Variants in PACRG observed in about 807,000 individuals in gnomAD.
The protein encoded by PACRG is parkin coregulated.
PACRG carries 29 observed loss-of-function variants against 29.7 expected under a neutral mutation model. The observed-to-expected ratio is 0.98, with a 90% CI of 0.73 to 1.33. The LOEUF (loss-of-function observed/expected upper bound fraction) is 1.33, where lower values mean the gene tolerates loss of function less well. Among genes scored for constraint, PACRG ranks in the 40% most tolerant of loss-of-function variants. The pLI, the probability that PACRG is intolerant of heterozygous loss-of-function variation, is 0.00. For synonymous variants in PACRG, 116 were observed against 118.7 expected (o/e 0.98, Z 0.15); for missense variants, 279 against 316.2 (o/e 0.88, Z 0.89).
intron 2 of PACRG, among the ~76,000 whole-genome samples, chr6:163,010,318 T>A (rs1019529697): frequency 6.6e-6 from 1 of 152,242 alleles, no homozygotes; most frequent in Non-Finnish European, 1.5e-5. Context: ...AAATTTTGTA[T>A]CGCATTCCCT....
At chr6:162,960,629 C>T (rs963815999) in intron 2 of PACRG, among the ~76,000 whole-genome samples, 5 of 152,034 alleles carry the variant, frequency 3.3e-5, no homozygotes, top group Admixed American at 1.3e-4. Flanking sequence ...GAGAAGCGTG[C>T]GGGTTAAAAA....
chr6:162,908,521 A>G (rs1796086199), intron 2 of PACRG, among the ~76,000 whole-genome samples: 1 of 152,220 alleles, frequency 6.6e-6, no homozygotes, highest in African/African-American at 2.4e-5. Context: ...CAAATAGCAC[A>G]TGATATGGCC....
chr6:162,867,445 G>A (rs1792392003), intron 2 of PACRG, among the ~76,000 whole-genome samples: 1 of 151,980 alleles, frequency 6.6e-6, no homozygotes, highest in African/African-American at 2.4e-5. Context: ...TTCATCCCCT[G>A]CACCCTGGCT....
intron 4 of PACRG, among the ~76,000 whole-genome samples, chr6:163,197,507 G>C (rs1472966240): frequency 2.8e-5 from 4 of 143,268 alleles, no homozygotes; most frequent in Non-Finnish European, 6.0e-5. Flanking sequence ...GCAGTGGCGC[G>C]ATCTCGGCTC....
chr6:163,226,719 A>G (rs1781818049), intron 4 of PACRG, among the ~76,000 whole-genome samples: 2 of 152,204 alleles, frequency 1.3e-5, no homozygotes, highest in Non-Finnish European at 2.9e-5. Context: ...AGACCCAGCC[A>G]TCGGTGGCTC....
intron 4 of PACRG, among the ~76,000 whole-genome samples, chr6:163,277,250 A>G (rs150524949): frequency 0.011 from 1,689 of 151,884 alleles, 31 homozygotes; most frequent in African/African-American, 0.039. Context: ...TGTATCCCTC[A>G]CCACCACGTA....
intron 4 of PACRG, among the ~76,000 whole-genome samples, chr6:163,269,132 A>C (rs1783642826): frequency 6.6e-6 from 1 of 152,240 alleles, no homozygotes; most frequent in African/African-American, 2.4e-5. Context: ...CTGTGAAAGA[A>C]ACCATCCAAG....
chr6:162,997,923 G>A (rs1022380228), intron 2 of PACRG, among the ~76,000 whole-genome samples: 1 of 152,146 alleles, frequency 6.6e-6, no homozygotes, highest in African/African-American at 2.4e-5. Context: ...TTCCTTGCCA[G>A]GAGATACACT....
At chr6:163,195,733 G>C (rs1203053141) in intron 4 of PACRG, among the ~76,000 whole-genome samples, 1 of 152,154 alleles carries the variant, frequency 6.6e-6, no homozygotes, top group Non-Finnish European at 1.5e-5. Flanking sequence ...CCGGGAAATG[G>C]AGATTCTGCG....
intron 2 of PACRG, among the ~76,000 whole-genome samples, chr6:162,858,361 A>T (rs780378917): frequency 5.9e-5 from 9 of 152,152 alleles, no homozygotes; most frequent in Non-Finnish European, 1.0e-4. Context: ...TATTATGAGA[A>T]CAGCATGGGG....
At position 163,276,583 on chromosome 6, in the gene PACRG, G is replaced by A. The variant is rs75209685; in HGVS notation, c.614-38244G>A. On this transcript the variant is annotated intron_variant, in intron 4 of 4. Transcript: ENST00000366888. ...TTCCAATATGTGGGTTGCCGTGGTC[G>A]GAATGTTTGTGTGACTCCAAAATGC... is the stretch of plus-strand genomic sequence containing the variant. Among the ~76,000 whole-genome samples, 792 of 152,200 alleles carry A rather than the reference G, an allele frequency of 5.2e-3. 11 individuals are homozygous for A. Among genetic ancestry groups the A allele is most frequent in the African/African-American group, 0.018 (757 of 41,534 alleles).
At position 163,163,163 on chromosome 6, in the gene PACRG, G is replaced by A. The variant is rs547561851; in HGVS notation, c.613+73755G>A. Among the ~76,000 whole-genome samples, 43 of 152,312 alleles carry A rather than the reference G, an allele frequency of 2.8e-4. 2 individuals are homozygous for A. The highest frequency in any genetic ancestry group is 9.4e-4 in the African/African-American group (39 of 41,570). On this transcript the variant is annotated intron_variant, in intron 4 of 4. Transcript: ENST00000366888. ...GGATCCAGCCTGTGTACACCACCGG[G>A]GATGTGGCTGGCAGCTCCCACCTAG...
chr6:162,747,392 A>G (rs897604967), intron 1 of PACRG, among the ~76,000 whole-genome samples: 373 of 32,842 alleles, frequency 0.011, 42 homozygotes, highest in African/African-American at 0.078. Flanking sequence ...ATATATATGT[A>G]TATATATATG....
chr6:162,843,378 A>C (rs1789988648), intron 2 of PACRG, among the ~76,000 whole-genome samples: 1 of 150,752 alleles, frequency 6.6e-6, no homozygotes. Context: ...CCTTTCTTCT[A>C]GTTGATCGCA....
chr6:162,996,014 T>A (rs1294453920), intron 2 of PACRG, among the ~76,000 whole-genome samples: 1 of 152,200 alleles, frequency 6.6e-6, no homozygotes, highest in South Asian at 2.1e-4. Context: ...GTTTTAGCTA[T>A]GCAAGAAGAA....
At chr6:163,162,828 G>A (rs892245276) in intron 4 of PACRG, among the ~76,000 whole-genome samples, 1 of 152,202 alleles carries the variant, frequency 6.6e-6, no homozygotes, top group African/African-American at 2.4e-5. Context: ...AGCAGGGCAT[G>A]GTGGTCTCTA....
chr6:162,944,880 GA>G (rs1369135702), intron 2 of PACRG, among the ~76,000 whole-genome samples: 2 of 151,234 alleles, frequency 1.3e-5, no homozygotes, highest in Non-Finnish European at 3.0e-5. Flanking sequence ...AGAAGGTGAA[GA>G]AAAAAACAAA....
chr6:163,246,400 C>A (rs139364517), intron 4 of PACRG, among the ~76,000 whole-genome samples: 1 of 152,150 alleles, frequency 6.6e-6, no homozygotes, highest in Admixed American at 6.5e-5. Context: ...GTTTGGATTG[C>A]TGCTCAAATT....
rs77282711 is a variant in PACRG, at chr6:163,069,156, T to G, written c.463+6835T>G. ...GCTTAGACAACAATACCCAAGTCCT[T>G]TCGAATATCTGAAAAGCCTTCCAAA... is the stretch of plus-strand genomic sequence containing the variant. On this transcript the variant is annotated intron_variant, in intron 3 of 4. Coordinates refer to ENST00000366888, the MANE Select transcript of PACRG (RefSeq NM_001080379.2). 6.5e-3 allele frequency among the ~76,000 whole-genome samples: 992 copies of G among 152,056 alleles called. 5 individuals carry two copies. The highest frequency in any genetic ancestry group is 0.017 in the African/African-American group (705 of 41,472).
Sources: allele counts gnomAD v4.1 joint callset (sites outside exome capture counted in the v4.1 genomes callset), GRCh38; gene constraint gnomAD v4.1.1; transcripts MANE v1.5; gene names NCBI Gene and HGNC (gene_info 2026-07-23, HGNC 2026-07-21).